The following CDYL variants were observed in gnomAD, a reference collection of about 807,000 sequenced individuals.
CDYL encodes the protein chromodomain Y like, also known as chromodomain Y-like protein.
A neutral mutation model predicts 47.3 loss-of-function variants in CDYL; 8 were observed. That is an observed-to-expected ratio of 0.17 (90% CI 0.10 to 0.31). The LOEUF (loss-of-function observed/expected upper bound fraction) is 0.31. Among genes scored for constraint, CDYL ranks in the 10% least tolerant of loss-of-function variants. The pLI is 1.00. For synonymous variants in CDYL, 266 were observed against 265.0 expected, an observed-to-expected ratio of 1.00 and a Z score of -0.04; for missense variants, 471 against 701.4, an observed-to-expected ratio of 0.67 and a Z score of 3.71.
chr6:4,769,725 A>T (rs751801264), intron 3 of CDYL, among the ~76,000 whole-genome samples: 17 of 152,164 alleles, frequency 1.1e-4, no homozygotes, highest in Non-Finnish European at 2.2e-4. Flanking sequence ...ACTCATCTCT[A>T]GGTGGCCTGG....
At position 4,718,279 on chromosome 6, in the gene CDYL, G is replaced by A. The variant is rs548438779; in HGVS notation, c.103+2398G>A. On this transcript the variant is annotated intron_variant, in intron 2 of 8. Coordinates refer to the CDYL transcript ENST00000328908. ...TTTGTCATTGGTGGTGGTGGTGGTG[G>A]TTTTTTTCTGTTTTTCGTTTGTTTG... Among the ~76,000 whole-genome samples the A allele has an allele frequency of 2.7e-5, 4 of 150,622 alleles. No individual in the cohort carries two copies. In the South Asian group the frequency reaches 8.4e-4, roughly 32 times the overall value.
rs537270268 is a variant in CDYL at position 4,762,969 on chromosome 6, G to A, written c.186+28125G>A. Among the ~76,000 whole-genome samples, 11 of 152,066 alleles carry A rather than the reference G, an allele frequency of 7.2e-5. No homozygotes were observed. The South Asian group carries it at 1.7e-3, about 23-fold the overall frequency. On this transcript the variant is annotated intron_variant, in intron 3 of 8. Coordinates refer to the CDYL transcript ENST00000328908. Reference sequence around the variant, plus strand: ...ACCCAACCAGGATAAATACACAAACGAATACCTAAACACATCATAGTAAAA... The same window carrying A: ...ACCCAACCAGGATAAATACACAAACAAATACCTAAACACATCATAGTAAAA...
intron 1 of CDYL, among the ~76,000 whole-genome samples, chr6:4,860,300 A>G (rs1412454324): frequency 6.6e-6 from 1 of 151,826 alleles, no homozygotes; most frequent in Non-Finnish European, 1.5e-5. Context: ...TGTAATGCAT[A>G]TGATTGTTAC....
At chr6:4,759,039 C>T (rs1432472726) in intron 3 of CDYL, among the ~76,000 whole-genome samples, 1 of 148,962 alleles carries the variant, frequency 6.7e-6, no homozygotes, top group Admixed American at 6.7e-5. Context: ...ACGATCTCGG[C>T]TCACTGCAAA....
chr6:4,917,752 A>C (rs1757597064), intron 2 of CDYL, among the ~76,000 whole-genome samples: 1 of 152,056 alleles, frequency 6.6e-6, no homozygotes, highest in Non-Finnish European at 1.5e-5. Flanking sequence ...TTGCAGGGAG[A>C]AGGTTGAAGT....
At chr6:4,797,069 G>T (rs1356038264) in intron 1 of CDYL, among the ~76,000 whole-genome samples, 1 of 152,090 alleles carries the variant, frequency 6.6e-6, no homozygotes, top group South Asian at 2.1e-4. Flanking sequence ...ATGTGACAAG[G>T]ATATTGGCAT....
intron 3 of CDYL, among the ~76,000 whole-genome samples, chr6:4,745,171 G>A (rs972643630): frequency 2.0e-5 from 3 of 152,078 alleles, no homozygotes; most frequent in African/African-American, 7.2e-5. Context: ...TGTGGCTCAG[G>A]CTGGTCTTGA....
At chr6:4,759,483 T>G (rs1758135666) in intron 3 of CDYL, among the ~76,000 whole-genome samples, 2 of 152,172 alleles carry the variant, frequency 1.3e-5, no homozygotes, top group Non-Finnish European at 2.9e-5. Context: ...TGCTTAGTCC[T>G]GATTATCTAT....
At position 4,935,780 on chromosome 6, in the gene CDYL, C is replaced by G. The variant is rs73350313; in HGVS notation, c.948+9C>G. 4,868 of 1,612,538 alleles carry G rather than the reference C, an allele frequency of 3.0e-3. 121 individuals carry two copies. The African/African-American group carries it at 0.053, about 17-fold the overall frequency. ...ACTCACTAAATCCAGAGGTGAGAGG[C>G]GCTCTTGGGCTGGCGTGGGCTTCGC... On this transcript the variant is annotated intron_variant, in intron 3 of 6. Transcript: ENST00000397588.
rs115529717 is a variant in CDYL at position 4,923,155 on chromosome 6, G to A, written c.692-12360G>A. Among the ~76,000 whole-genome samples, 1,213 of 152,068 alleles carry A rather than the reference G, an allele frequency of 8.0e-3. 18 individuals are homozygous for A. Among genetic ancestry groups the A allele is most frequent in the African/African-American group, 0.028 (1,168 of 41,462 alleles). On this transcript the variant is annotated intron_variant, in intron 2 of 6. Transcript: ENST00000397588. ...TTTTAGTCACTCTGCAGTGCCATAC[G>A]ACACTCAGAACTTATTCCTCCGGTC...
chr6:4,810,288 T>TG (rs1446632203), intron 1 of CDYL, among the ~76,000 whole-genome samples: 1 of 152,216 alleles, frequency 6.6e-6, no homozygotes, highest in East Asian at 1.9e-4. Context: ...TCCGAAATGA[T>TG]TTCTCAACTA....
At chr6:4,777,026 G>GC in intron 1 of CDYL, among the ~76,000 whole-genome samples, 1 of 149,200 alleles carries the variant, frequency 6.7e-6, no homozygotes, top group Non-Finnish European at 1.5e-5. Context: ...CGTGGGGTGG[G>GC]GGGGGGGGTC....
At chr6:4,895,557 A>G (rs573037980) in intron 2 of CDYL, among the ~76,000 whole-genome samples, 46 of 148,432 alleles carry the variant, frequency 3.1e-4, no homozygotes, top group East Asian at 1.2e-3. Flanking sequence ...GTGTGTGTGT[A>G]TATATATACA....
At chr6:4,883,491 C>T (rs1350527947) in intron 1 of CDYL, among the ~76,000 whole-genome samples, 1 of 152,224 alleles carries the variant, frequency 6.6e-6, no homozygotes, top group Non-Finnish European at 1.5e-5. Flanking sequence ...CACAGAACAC[C>T]TGCTAGCACC....
chr6:4,807,248 G>A (rs1192428732), intron 1 of CDYL, among the ~76,000 whole-genome samples: 2 of 152,204 alleles, frequency 1.3e-5, no homozygotes, highest in African/African-American at 4.8e-5. Flanking sequence ...ATACATTTCA[G>A]TGGGTCGCTT....
At position 4,949,664 on chromosome 6, in the gene CDYL, C is replaced by A. The variant is rs138099350; in HGVS notation, c.1333-2602C>A. Among the ~76,000 whole-genome samples the A allele has an allele frequency of 4.0e-3, 609 of 152,302 alleles. 6 individuals are homozygous for A. Among genetic ancestry groups the A allele is most frequent in the African/African-American group, 0.014 (594 of 41,568 alleles). On this transcript the variant is annotated intron_variant, in intron 5 of 6. Coordinates refer to ENST00000397588, the MANE Select transcript of CDYL (RefSeq NM_004824.4). ...TAGCTGGTCAGGTTCCCACCGCCTG[C>A]ATCTGTGTGAATCGGTTATTTGGGT... is the stretch of plus-strand genomic sequence containing the variant.
chr6:4,849,269 G>A (rs1007272125), intron 1 of CDYL, among the ~76,000 whole-genome samples: 1 of 152,150 alleles, frequency 6.6e-6, no homozygotes, highest in African/African-American at 2.4e-5. Context: ...ATCTTGAAGG[G>A]GGCTTCATAA....
At chr6:4,840,559 A>G (rs1394205603) in intron 1 of CDYL, among the ~76,000 whole-genome samples, 1 of 152,008 alleles carries the variant, frequency 6.6e-6, no homozygotes, top group Non-Finnish European at 1.5e-5. Context: ...GGCTTTTATT[A>G]AAGTTATGTC....
At chr6:4,832,706 T>C (rs1490240292) in intron 1 of CDYL, among the ~76,000 whole-genome samples, 8 of 148,734 alleles carry the variant, frequency 5.4e-5, no homozygotes, top group Admixed American at 2.0e-4. Context: ...CATCTGGTCC[T>C]GGACTCTTTT....
Sources: allele counts gnomAD v4.1 joint callset (sites outside exome capture counted in the v4.1 genomes callset), GRCh38; gene constraint gnomAD v4.1.1; transcripts MANE v1.5; gene names NCBI Gene and HGNC (gene_info 2026-07-23, HGNC 2026-07-21).